KCTD10: variants seen among roughly 807,000 people sequenced by gnomAD.
KCTD10 encodes potassium channel tetramerization domain containing 10, also known as BTB/POZ domain-containing adapter for CUL3-mediated RhoA degradation protein 3.
A neutral mutation model predicts 34.6 loss-of-function variants in KCTD10; 13 were observed. The ratio of observed to expected loss-of-function variants is 0.38; its 90% confidence interval spans 0.24 to 0.60. KCTD10 has a LOEUF of 0.60. KCTD10 is among the 20% of genes least tolerant of loss of function. KCTD10 has a pLI of 0.66. For synonymous variants in KCTD10, 156 were observed against 168.8 expected (o/e 0.92, Z 0.59); for missense variants, 256 against 420.3 (o/e 0.61, Z 3.42).
intron 1 of KCTD10, chr12:109,470,514 T>C (rs1592847821): frequency 8.1e-6 from 8 of 985,462 alleles, no homozygotes; most frequent in East Asian, 1.1e-4. Context: ...ATCCGGCACA[T>C]GTGTACTCAG....
Position 109,451,869 on chromosome 12 carries a change from A to ACCTG in KCTD10, c.724-60_724-57dup. ...GTTATGGCCCACCCCCTCTGCCAAC[A>ACCTG]CCTGGACTTTAAGCAGGGCCGCCAG... On this transcript the variant is annotated intron_variant, in intron 6 of 6. Coordinates refer to ENST00000228495, the MANE Select transcript of KCTD10 (RefSeq NM_031954.5). This position sits in a 1 kb window ranked among gnomAD's most constrained non-coding sequence, Gnocchi z 5.0. The ACCTG allele has an allele frequency of 6.8e-7, 1 of 1,478,062 alleles. No individual in the cohort carries two copies. Among genetic ancestry groups the ACCTG allele is most frequent in the Non-Finnish European group, 9.1e-7 (1 of 1,095,076 alleles). The allele number at this position is 1,478,062 out of a possible 1,614,324, so 91.6% of individuals were successfully genotyped here.
Position 109,449,641 on chromosome 12 carries a change from G to C in KCTD10, c.*1954C>G, listed in dbSNP as rs1230419286. 2.6e-5 allele frequency: 4 copies of C among 152,150 alleles called. No individual in the cohort carries two copies. Among genetic ancestry groups the C allele is most frequent in the Admixed American group, 6.6e-5 (1 of 15,262 alleles). 9.4% of individuals were successfully genotyped at this position (152,150 alleles called of 1,614,324 possible). A position where few individuals can be genotyped will look rare whatever the true frequency, so the allele number is the denominator to read the frequency against. On this transcript the variant is annotated 3_prime_UTR_variant, in exon 7 of 7. Transcript: ENST00000228495. ...CTCGGGAGGCTGAGGCAGCAGAATCGCTTGAACCCAGGAGGCACAAGTTGT... is the reference window on the plus strand; with the variant it reads ...CTCGGGAGGCTGAGGCAGCAGAATCCCTTGAACCCAGGAGGCACAAGTTGT...
intron 2 of KCTD10, among the ~76,000 whole-genome samples, chr12:109,463,535 C>T (rs72647798): frequency 1.9e-4 from 29 of 152,168 alleles, no homozygotes; most frequent in African/African-American, 2.4e-5. Context: ...CCTGCTGCCA[C>T]GGGGCACGAG....
Position 109,460,595 on chromosome 12 carries a change from G to C in KCTD10, c.387+41C>G, listed in dbSNP as rs1873266006. The C allele has an allele frequency of 6.3e-7, 1 of 1,579,518 alleles. No homozygotes were observed. Among genetic ancestry groups the C allele is most frequent in the African/African-American group, 1.4e-5 (1 of 74,008 alleles). On this transcript the variant is annotated intron_variant, in intron 3 of 6. Coordinates refer to ENST00000228495, the MANE Select transcript of KCTD10 (RefSeq NM_031954.5). The surrounding 1 kb of genome is among the most constrained non-coding windows in gnomAD (Gnocchi z 4.5). ...GAAAATGAGGAAGGCAGGTAGGCTT[G>C]GTGCCTCTCCACCCATATGGGAAGA...
chr12:109,467,877 T>TC (rs1348333317), intron 2 of KCTD10, among the ~76,000 whole-genome samples: 1 of 151,198 alleles, frequency 6.6e-6, no homozygotes, highest in East Asian at 2.0e-4. Context: ...GACAGAGGAG[T>TC]CCGTTTCTTT....
rs113060572 is a variant in KCTD10 at position 109,455,393 on chromosome 12, T to TA, written c.723+724dup. 330 of 143,268 alleles carry TA rather than the reference T, an allele frequency of 2.3e-3. 1 individual carries two copies. Among genetic ancestry groups the TA allele is most frequent in the South Asian group, 7.4e-3 (31 of 4,204 alleles). 8.9% of individuals were successfully genotyped at this position (143,268 alleles called of 1,614,324 possible). On this transcript the variant is annotated intron_variant, in intron 6 of 6. Coordinates refer to ENST00000228495, the MANE Select transcript of KCTD10 (RefSeq NM_031954.5). ...ATGGCTTCAATTTTCAATAATAAGT[T>TA]AAAAAAAAAAAAGACTCTGGTTTCT...
chr12:109,455,676 A>G (rs530980168), intron 6 of KCTD10, among the ~76,000 whole-genome samples: 1 of 152,366 alleles, frequency 6.6e-6, no homozygotes, highest in East Asian at 1.9e-4. Flanking sequence ...AATGTGAATT[A>G]AAAGTTTAAA....
At position 109,456,099 on chromosome 12, in the gene KCTD10, G is replaced by A. The variant is rs893210661; in HGVS notation, c.723+19C>T. 11 of 1,613,102 alleles carry A rather than the reference G, an allele frequency of 6.8e-6. No individual in the cohort carries two copies. Among genetic ancestry groups the A allele is most frequent in the Non-Finnish European group, 9.3e-6 (11 of 1,179,148 alleles). The stretch of plus-strand genomic sequence containing the variant: ...TGTTTCAGAACAGCCACTCCAAACT[G>A]TCCTCTCGAGGCTCTTACCTTGGTC... On this transcript the variant is annotated intron_variant, in intron 6 of 6. Coordinates refer to ENST00000228495, the MANE Select transcript of KCTD10 (RefSeq NM_031954.5).
At chr12:109,471,979 T>C (rs1007471607) in intron 1 of KCTD10, among the ~76,000 whole-genome samples, 2 of 152,166 alleles carry the variant, frequency 1.3e-5, no homozygotes, top group Admixed American at 1.3e-4. Context: ...TTACCATGAA[T>C]GGAGTGTGTA....
chr12:109,475,881 T>C (rs1012941671), intron 1 of KCTD10, among the ~76,000 whole-genome samples: 5 of 99,582 alleles, frequency 5.0e-5, no homozygotes, highest in Non-Finnish European at 1.0e-4. Context: ...CTACCGCCAA[T>C]TGCAACTTCC....
At chr12:109,462,003 T>C (rs894485517) in intron 2 of KCTD10, among the ~76,000 whole-genome samples, 2 of 140,042 alleles carry the variant, frequency 1.4e-5, no homozygotes, top group African/African-American at 5.4e-5. Flanking sequence ...AACAATGCTG[T>C]GCCCTGTTCC....
At chr12:109,470,031 T>C (rs780281498) in intron 1 of KCTD10, 1 of 1,200,638 alleles carries the variant, frequency 8.3e-7, no homozygotes, top group Non-Finnish European at 1.0e-6. Context: ...AAAAGCCTCA[T>C]ACACTGACCC....
At position 109,450,184 on chromosome 12, in the gene KCTD10, C is replaced by T; in HGVS notation, c.*1411G>A. On this transcript the variant is annotated 3_prime_UTR_variant, in exon 7 of 7. Coordinates refer to ENST00000228495, the MANE Select transcript of KCTD10 (RefSeq NM_031954.5). ...TTCCCTTGACAAACCCATCCATCAC[C>T]TGACGCACATTCACATCTCCTGGTA... 2 of 398,566 alleles carry T rather than the reference C, an allele frequency of 5.0e-6. No individual in the cohort carries two copies. Among genetic ancestry groups the T allele is most frequent in the Non-Finnish European group, 8.8e-6 (2 of 226,050 alleles). The allele number at this position is 398,566 out of a possible 1,614,324, so 24.7% of individuals were successfully genotyped here. A position where few individuals can be genotyped will look rare whatever the true frequency, so the allele number is the denominator to read the frequency against.
rs141129633 is a variant in KCTD10 at position 109,475,272 on chromosome 12, G to A, written c.3+1988C>T. ...GAGGATTGCTTGAGCCCAGGAATTC[G>A]AGACCAGCCTGAGCAACATAAGACC... On this transcript the variant is annotated intron_variant, in intron 1 of 6. Transcript: ENST00000228495. Among the ~76,000 whole-genome samples the A allele has an allele frequency of 4.9e-4, 75 of 151,884 alleles. 1 individual carries two copies. The highest frequency in any genetic ancestry group is 1.4e-3 in the African/African-American group (58 of 41,386).
rs1459628079 is a variant in KCTD10, at chr12:109,460,947, C to T, written c.218-142G>A. The T allele has an allele frequency of 6.3e-6, 5 of 790,706 alleles. No individual in the cohort carries two copies. The highest frequency in any genetic ancestry group is 1.7e-5 in the African/African-American group (1 of 57,362). 49.0% of individuals were successfully genotyped at this position (790,706 alleles called of 1,614,324 possible). ...GGAGAATGGCAGCCTCACCTGCCTA[C>T]CTGCCCACTAAGGGCTGAGGAAGCC... On this transcript the variant is annotated intron_variant, in intron 2 of 6. Transcript: ENST00000228495. The surrounding 1 kb of genome is among the most constrained non-coding windows in gnomAD (Gnocchi z 4.5).
At position 109,458,447 on chromosome 12, in the gene KCTD10, C is replaced by CCCA. The variant is rs1217759756; in HGVS notation, c.388-372_388-370dup. 3.5e-5 allele frequency: 6 copies of CCCA among 172,306 alleles called. 1 individual carries two copies. In the Admixed American group the frequency reaches 3.6e-4, roughly 10 times the overall value. 10.7% of individuals were successfully genotyped at this position (172,306 alleles called of 1,614,324 possible). Reference sequence around the variant, plus strand: ...GAGGAATTAAAAAAAAAAGCATAAACCCATAAGGGGAAAAAGAATGGGAGA... The same window carrying CCCA: ...GAGGAATTAAAAAAAAAAGCATAAACCCACCATAAGGGGAAAAAGAATGGGAGA... On this transcript the variant is annotated intron_variant, in intron 3 of 6. Transcript: ENST00000228495.
Position 109,451,477 on chromosome 12 carries a change from A to G in KCTD10, c.*118T>C. 1 of 973,246 alleles carries G rather than the reference A, an allele frequency of 1.0e-6. No homozygotes were observed. Among genetic ancestry groups the G allele is most frequent in the South Asian group, 1.7e-5 (1 of 59,104 alleles). The allele number at this position is 973,246 out of a possible 1,614,324, so 60.3% of individuals were successfully genotyped here. A position where few individuals can be genotyped will look rare whatever the true frequency, so the allele number is the denominator to read the frequency against. The stretch of plus-strand genomic sequence containing the variant: ...CCAAAATAATCATCTGGCTTGTTAC[A>G]AAAGTATCTCCAGGCTCCAAGGGAA... On this transcript the variant is annotated 3_prime_UTR_variant, in exon 7 of 7. Coordinates refer to ENST00000228495, the MANE Select transcript of KCTD10 (RefSeq NM_031954.5). The surrounding 1 kb of genome is among the most constrained non-coding windows in gnomAD (Gnocchi z 5.0).
Position 109,451,577 on chromosome 12 carries a change from GCTCGGT to G in KCTD10, c.*12_*17del. ...GAGTGGGGGCGGTGAGAGGAGGGCGGCTCGGTCTCTTGCCTGCTCACTGGTGGAGGT... is the reference window on the plus strand; with the variant it reads ...GAGTGGGGGCGGTGAGAGGAGGGCGGCTCTTGCCTGCTCACTGGTGGAGGT... On this transcript the variant is annotated 3_prime_UTR_variant, in exon 7 of 7. Coordinates refer to ENST00000228495, the MANE Select transcript of KCTD10 (RefSeq NM_031954.5). This position sits in a 1 kb window ranked among gnomAD's most constrained non-coding sequence, Gnocchi z 5.0. The G allele has an allele frequency of 3.1e-6, 5 of 1,589,866 alleles. No individual in the cohort carries two copies. The highest frequency in any genetic ancestry group is 4.3e-6 in the Non-Finnish European group (5 of 1,167,356).
At position 109,460,555 on chromosome 12, in the gene KCTD10, C is replaced by T; in HGVS notation, c.387+81G>A. ...ATCTCAGTCAGACAGAAACTGCCCCCATTTTGCAGAGAGGGAAAATGAGGA... is the reference window on the plus strand; with the variant it reads ...ATCTCAGTCAGACAGAAACTGCCCCTATTTTGCAGAGAGGGAAAATGAGGA... On this transcript the variant is annotated intron_variant, in intron 3 of 6. Transcript: ENST00000228495. This position sits in a 1 kb window ranked among gnomAD's most constrained non-coding sequence, Gnocchi z 4.5. 7.0e-7 allele frequency: 1 copy of T among 1,424,498 alleles called. No individual in the cohort carries two copies. Among genetic ancestry groups the T allele is most frequent in the Non-Finnish European group, 9.7e-7 (1 of 1,035,604 alleles). 88.2% of individuals were successfully genotyped at this position (1,424,498 alleles called of 1,614,324 possible). A position where few individuals can be genotyped will look rare whatever the true frequency, so the allele number is the denominator to read the frequency against.
Sources: gnomAD v4.1 joint callset for allele counts (sites outside exome capture counted in the v4.1 genomes callset) on GRCh38, gnomAD v4.1.1 for gene constraint, Gnocchi (gnomAD v3.1) non-coding constraint, MANE v1.5 for transcripts, NCBI Gene and HGNC (gene_info 2026-07-23, HGNC 2026-07-21) for gene names.